The following CCN6 variants were observed in gnomAD, a reference collection of about 807,000 sequenced individuals.
The protein encoded by CCN6 is cellular communication network factor 6.
In CCN6, 31 loss-of-function variants were observed where a neutral mutation model predicts 37.4. The ratio of observed to expected loss-of-function variants is 0.83; its 90% CI spans 0.62 to 1.12. CCN6 has a LOEUF of 1.12. CCN6 is among the 50% of genes most tolerant of loss of function. The probability of loss-of-function intolerance (pLI) is 0.00; values close to 1 mark genes in which losing one functional copy is unlikely to be tolerated. For missense variants in CCN6, 369 were observed against 413.8 expected (o/e 0.89, Z 0.94); for synonymous variants, 137 against 142.1 (o/e 0.96, Z 0.26).
chr6:112,062,513 G>A (rs1776557513), intron 2 of CCN6, among the ~76,000 whole-genome samples: 1 of 152,216 alleles, frequency 6.6e-6, no homozygotes, highest in Admixed American at 6.5e-5. Flanking sequence ...ATATTAAGAT[G>A]TCAGACCTTT....
In CCN6 at chr6:112,065,625, C is replaced by T. The variant is rs202159782; in HGVS notation, c.589+628C>T. 2.8e-4 allele frequency among the ~76,000 whole-genome samples: 36 copies of T among 130,426 alleles called. No individual in the cohort carries two copies. The East Asian group carries it at 6.2e-3, about 23-fold the overall frequency. The allele number at this position is 130,426 out of a possible 152,430, so 85.6% of individuals were successfully genotyped here. ...AAACACACACGCACACACACACGCACGCACACACACACACACACAAACACA... is the reference window on the plus strand; with the variant it reads ...AAACACACACGCACACACACACGCATGCACACACACACACACACAAACACA... On this transcript the variant is annotated intron_variant, in intron 3 of 4. Coordinates refer to ENST00000368666, the MANE Select transcript of CCN6 (RefSeq NM_198239.2).
rs1290841311 is a variant in CCN6, at chr6:112,065,601, A to AAC, written c.589+611_589+612dup. 3.4e-3 allele frequency among the ~76,000 whole-genome samples: 489 copies of AAC among 144,218 alleles called. 4 individuals carry two copies. The highest frequency in any genetic ancestry group is 0.018 in the East Asian group (88 of 4,956). 94.6% of individuals were successfully genotyped at this position (144,218 alleles called of 152,430 possible). ...AAACACACACACGCACACACACACA[A>AAC]ACACACACGCACACACACACGCACG... On this transcript the variant is annotated intron_variant, in intron 3 of 4. Transcript: ENST00000368666.
chr6:112,064,596 C>CTA (rs1157075338), intron 2 of CCN6, among the ~76,000 whole-genome samples, 159 bp from the exon 3 acceptor site: 1 of 152,180 alleles, frequency 6.6e-6, no homozygotes, highest in African/African-American at 2.4e-5. Flanking sequence ...AGAAACCTTT[C>CTA]TACAGATGTC....
chr6:112,060,184 C>A, intron 1 of CCN6: 3 of 1,292,250 alleles, frequency 2.3e-6, no homozygotes, highest in Non-Finnish European at 3.1e-6. Context: ...AAATGGGAGG[C>A]CATGAGGAAG....
intron 2 of CCN6, among the ~76,000 whole-genome samples, chr6:112,061,737 G>A (rs1583578160): frequency 2.0e-5 from 3 of 152,034 alleles, no homozygotes; most frequent in South Asian, 4.2e-4. Flanking sequence ...ACTAATGACC[G>A]AGTTGCTGTG....
At position 112,062,036 on chromosome 6, in the gene CCN6, G is replaced by A. The variant is rs74643245; in HGVS notation, c.346+748G>A. 2.0e-3 allele frequency among the ~76,000 whole-genome samples: 307 copies of A among 152,308 alleles called. 1 individual carries two copies. The highest frequency in any genetic ancestry group is 7.1e-3 in the African/African-American group (297 of 41,566). On this transcript the variant is annotated intron_variant, in intron 2 of 4. Coordinates refer to ENST00000368666, the MANE Select transcript of CCN6 (RefSeq NM_198239.2). Reference sequence around the variant, plus strand: ...CATGGAATGAGAGCCTACCTTTGGAGTCAGGCTGAATGTGTAGAGCACTCA... The same window carrying A: ...CATGGAATGAGAGCCTACCTTTGGAATCAGGCTGAATGTGTAGAGCACTCA...
intron 2 of CCN6, among the ~76,000 whole-genome samples, chr6:112,064,328 A>G (rs1776614701): frequency 6.6e-6 from 1 of 152,198 alleles, no homozygotes; most frequent in Admixed American, 6.5e-5. Flanking sequence ...TCTTAACAAA[A>G]ACCATCAGTA....
intron 1 of CCN6, chr6:112,059,933 T>A (rs1363361036): frequency 2.3e-6 from 3 of 1,325,518 alleles, no homozygotes; most frequent in Non-Finnish European, 3.0e-6. Flanking sequence ...TGGGATAGGG[T>A]GCCCTTTCAC....
upstream of CCN6, chr6:112,053,984 G>A (rs1402148136): frequency 2.1e-5 from 9 of 420,062 alleles, no homozygotes; most frequent in Non-Finnish European, 4.0e-5. Context: ...AGGGAATGAC[G>A]TGGGACCCCA....
intron 1 of CCN6, chr6:112,054,767 C>G: frequency 4.0e-6 from 1 of 251,532 alleles, no homozygotes; most frequent in Non-Finnish European, 7.8e-6. Context: ...GCTCAACTTT[C>G]CATTGCTGTT....
chr6:112,060,194 G>T (rs587605705), intron 1 of CCN6: 4 of 1,276,178 alleles, frequency 3.1e-6, no homozygotes, highest in Admixed American at 4.6e-5. Context: ...CCATGAGGAA[G>T]TCACTCCATA....
chr6:112,061,225 C>T lies in CCN6; in HGVS notation c.283C>T (p.His95Tyr). The T allele has an allele frequency of 1.9e-6, 3 of 1,614,188 alleles. No homozygotes were observed. ...ICNEADLCDPHKGLYCDYSVD... is the reference protein window; with the variant it reads ...ICNEADLCDPYKGLYCDYSVD... The stretch of plus-strand genomic sequence containing the variant: ...CAATGAAGCTGACCTCTGTGACCCA[C>T]ACAAAGGGCTGTATTGTGACTACTC... The change falls in exon 2 of 5, where the codon CAC (histidine) becomes TAC (tyrosine). Residue 95 changes from histidine (H) to tyrosine (Y), a missense_variant. By Grantham distance (83) the His-to-Tyr change is moderately conservative. Coordinates refer to ENST00000368666, the MANE Select transcript of CCN6 (RefSeq NM_198239.2).
chr6:112,068,294 A>C lies in CCN6; in HGVS notation c.679A>C (p.Ile227Leu), dbSNP rs377444998. Residue 227 changes from isoleucine (I) to leucine (L), a missense_variant, in exon 4 of 5, where the codon ATA becomes CTA. Coordinates refer to ENST00000368666, the MANE Select transcript of CCN6 (RefSeq NM_198239.2). ...TPCSRTCGMGISNRVTNENSN... is the reference protein window; with the variant it reads ...TPCSRTCGMGLSNRVTNENSN... ...CTGCTCCAGAACATGTGGGATGGGA[A>C]TATCTAACAGGGTGACCAATGAAAA... The C allele has an allele frequency of 4.3e-6, 7 of 1,613,386 alleles. No individual in the cohort carries two copies. The South Asian group carries it at 6.6e-5, about 15-fold the overall frequency.
At chr6:112,062,298 G>A (rs903532275) in intron 2 of CCN6, among the ~76,000 whole-genome samples, 5 of 152,150 alleles carry the variant, frequency 3.3e-5, no homozygotes, top group Non-Finnish European at 5.9e-5. Flanking sequence ...TCCCAAAAAT[G>A]TTATTTATTG....
At chr6:112,066,910 G>C (rs954487827) in intron 3 of CCN6, 12 of 1,274,274 alleles carry the variant, frequency 9.4e-6, no homozygotes, top group South Asian at 1.2e-5. Context: ...TACAGCTGTC[G>C]GTTTAACAAG....
rs587614130 is a variant in CCN6 at position 112,062,015 on chromosome 6, G to A, written c.346+727G>A. Among the ~76,000 whole-genome samples the A allele has an allele frequency of 3.9e-5, 6 of 152,310 alleles. No homozygotes were observed. In the East Asian group the frequency reaches 1.2e-3, roughly 29 times the overall value. ...ATCAGAAGTTTGGTTATGAGCCATG[G>A]AATGAGAGCCTACCTTTGGAGTCAG... On this transcript the variant is annotated intron_variant, in intron 2 of 4. Coordinates refer to ENST00000368666, the MANE Select transcript of CCN6 (RefSeq NM_198239.2).
At chr6:112,058,386 C>G (rs1776410902) in intron 1 of CCN6, among the ~76,000 whole-genome samples, 1 of 152,206 alleles carries the variant, frequency 6.6e-6, no homozygotes, top group Non-Finnish European at 1.5e-5. Context: ...ATCAATTCAA[C>G]AGTCCCTGGT....
intron 3 of CCN6, among the ~76,000 whole-genome samples, chr6:112,065,622 G>GCGCGCACA (rs782269731): frequency 2.9e-5 from 4 of 137,240 alleles, no homozygotes; most frequent in African/African-American, 8.2e-5. Context: ...ACACACACAC[G>GCGCGCACA]CACGCACACA....
intron 3 of CCN6, among the ~76,000 whole-genome samples, chr6:112,067,209 TG>T (rs1776724870): frequency 6.6e-6 from 1 of 152,124 alleles, no homozygotes; most frequent in African/African-American, 2.4e-5. Flanking sequence ...AGTTTTAAGT[TG>T]ATTTTTTTGA....
Sources: allele counts gnomAD v4.1 joint callset (sites outside exome capture counted in the v4.1 genomes callset), GRCh38; gene constraint gnomAD v4.1.1; transcripts MANE v1.5; gene names NCBI Gene and HGNC (gene_info 2026-07-23, HGNC 2026-07-21).